RNF6: variants seen among roughly 807,000 people sequenced by gnomAD.
The protein encoded by RNF6 is E3 ubiquitin-protein ligase RNF6.
A neutral mutation model predicts 50.1 loss-of-function variants in RNF6; 21 were observed. The observed-to-expected ratio is 0.42, with a 90% CI of 0.30 to 0.60. RNF6 has a LOEUF of 0.60. Ranked by LOEUF, RNF6 falls within the 20% of genes least tolerant of loss-of-function variation. RNF6 has a pLI of 0.20. For synonymous variants in RNF6, 255 were observed against 291.8 expected (o/e 0.87, Z 1.29); for missense variants, 698 against 838.2 (o/e 0.83, Z 2.07).
In RNF6 at chr13:26,142,008, A is replaced by C. The variant is rs2137557776; in HGVS notation, n.769-9557T>G. Among the ~76,000 whole-genome samples the C allele has an allele frequency of 2.0e-5, 3 of 152,282 alleles. No individual in the cohort carries two copies. In the East Asian group the frequency reaches 5.8e-4, roughly 29 times the overall value. Reference sequence around the variant, plus strand: ...AAAGGACCAATATCCAGAATCTATAAGGAACTTAAATAAATCAACAAGAAA... The same window carrying C: ...AAAGGACCAATATCCAGAATCTATACGGAACTTAAATAAATCAACAAGAAA... On this transcript the variant is annotated intron_variant and non_coding_transcript_variant, in intron 5 of 5. Transcript: ENST00000468480.
intron 5 of RNF6, among the ~76,000 whole-genome samples, chr13:26,186,504 CG>C (rs1255525785): frequency 6.6e-6 from 1 of 152,212 alleles, no homozygotes; most frequent in Non-Finnish European, 1.5e-5. Context: ...GGAGACGCTT[CG>C]GAGCAGGTCT....
chr13:26,222,882 G>A (rs1870651752), upstream of RNF6, among the ~76,000 whole-genome samples: 1 of 152,108 alleles, frequency 6.6e-6, no homozygotes, highest in African/African-American at 2.4e-5. Context: ...CAGCAAAATG[G>A]GATTACAGGC....
intron 5 of RNF6, among the ~76,000 whole-genome samples, chr13:26,190,652 C>G (rs1212751588): frequency 1.3e-5 from 2 of 152,178 alleles, no homozygotes; most frequent in Non-Finnish European, 2.9e-5. Context: ...ATAACACACC[C>G]AACACATGAA....
chr13:26,211,876 T>C (rs1869341653), downstream of RNF6, among the ~76,000 whole-genome samples: 1 of 152,230 alleles, frequency 6.6e-6, no homozygotes, highest in Non-Finnish European at 1.5e-5. Context: ...ATGTTTAAAT[T>C]GGCATACCTT....
intron 5 of RNF6, among the ~76,000 whole-genome samples, chr13:26,203,110 T>G (rs1474376931): frequency 6.6e-6 from 1 of 152,240 alleles, no homozygotes; most frequent in Admixed American, 6.5e-5. Context: ...GGCCATGAGC[T>G]GACATCTGTC....
At position 26,214,530 on chromosome 13, in the gene RNF6, G is replaced by A; in HGVS notation, c.1352C>T (p.Ser451Leu). Residue 451 changes from serine (S) to leucine (L), a missense_variant, in exon 5 of 5, where the codon TCA (serine) becomes TTA (leucine). Transcript: ENST00000381588. ...FRRTISRLER[S>L]GIRTYVSTIT... is the part of the protein sequence containing the mutation. ...GGTACTAACATAGGTTCGAATACCTGACCGCTCTAAACGAGAAATGGTTCG... is the reference window on the plus strand; with the variant it reads ...GGTACTAACATAGGTTCGAATACCTAACCGCTCTAAACGAGAAATGGTTCG... The A allele has an allele frequency of 6.2e-7, 1 of 1,614,100 alleles. No individual in the cohort carries two copies. Among genetic ancestry groups the A allele is most frequent in the Non-Finnish European group, 8.5e-7 (1 of 1,180,040 alleles).
intron 2 of RNF6, among the ~76,000 whole-genome samples, chr13:26,220,971 TTTA>T (rs1870425372): frequency 6.6e-6 from 1 of 152,238 alleles, no homozygotes; most frequent in Non-Finnish European, 1.5e-5. Context: ...CTGTGGTTAT[TTTA>T]TTATGTCATT....
intron 5 of RNF6, among the ~76,000 whole-genome samples, chr13:26,142,742 G>T (rs901781295): frequency 3.3e-5 from 5 of 152,132 alleles, no homozygotes; most frequent in Non-Finnish European, 5.9e-5. Flanking sequence ...ATGGATGGGG[G>T]AAAGTGCTAA....
chr13:26,182,745 C>A (rs115810165), intron 5 of RNF6, among the ~76,000 whole-genome samples: 3,825 of 152,108 alleles, frequency 0.025, 158 homozygotes, highest in African/African-American at 0.086. Flanking sequence ...ATCAAGGCCA[C>A]AATGAGCCAT....
intron 5 of RNF6, among the ~76,000 whole-genome samples, chr13:26,200,196 C>CCTGA (rs1566431050): frequency 6.6e-6 from 1 of 152,148 alleles, no homozygotes; most frequent in African/African-American, 2.4e-5. Context: ...CAAGGCAATA[C>CCTGA]CTGACATCAT....
At chr13:26,203,534 G>A (rs1242611686) in intron 5 of RNF6, among the ~76,000 whole-genome samples, 2 of 152,250 alleles carry the variant, frequency 1.3e-5, no homozygotes, top group Admixed American at 1.3e-4. Flanking sequence ...ACCTTTGGGT[G>A]TGACACAGTG....
At chr13:26,181,732 G>A (rs1394368159) in intron 5 of RNF6, among the ~76,000 whole-genome samples, 1 of 152,196 alleles carries the variant, frequency 6.6e-6, no homozygotes, top group African/African-American at 2.4e-5. Context: ...CAGATAAAAT[G>A]CTCCAATGCT....
At chr13:26,174,481 T>A (rs1872854750) in intron 5 of RNF6, among the ~76,000 whole-genome samples, 4 of 124,396 alleles carry the variant, frequency 3.2e-5, no homozygotes, top group Non-Finnish European at 7.4e-5. Context: ...TGCAACCCCA[T>A]CTCTACTAAA....
intron 1 of RNF6, 62 bp downstream of exon 1, chr13:26,221,941 C>G (rs372063486): frequency 1.3e-5 from 2 of 152,464 alleles, no homozygotes; most frequent in Non-Finnish European, 2.9e-5. Context: ...CGAAGGATGG[C>G]CTGCTTTCCC....
chr13:26,143,349 C>T (rs558630462), intron 5 of RNF6, among the ~76,000 whole-genome samples: 37 of 152,292 alleles, frequency 2.4e-4, no homozygotes, highest in African/African-American at 8.7e-4. Context: ...TCACCCCATC[C>T]AGCAAAGTAA....
chr13:26,146,828 G>A (rs1459447971), intron 5 of RNF6, among the ~76,000 whole-genome samples: 4 of 152,152 alleles, frequency 2.6e-5, no homozygotes, highest in African/African-American at 9.7e-5. Flanking sequence ...ATGTCGAATT[G>A]TAATTCCCAG....
chr13:26,198,406 T>A (rs1868762214), intron 5 of RNF6, among the ~76,000 whole-genome samples: 1 of 151,928 alleles, frequency 6.6e-6, no homozygotes. Flanking sequence ...ATCCACTGAT[T>A]GAAATGCTAA....
Position 26,214,094 on chromosome 13 carries a change from T to C in RNF6, c.1788A>G (p.Glu596=). 1 of 1,614,210 alleles carries C rather than the reference T, an allele frequency of 6.2e-7. No individual in the cohort carries two copies. The highest frequency in any genetic ancestry group is 1.3e-5 in the African/African-American group (1 of 75,058). The change falls in exon 5 of 5, where the codon GAA becomes GAG. Residue 596 remains glutamate (E), a synonymous_variant. Transcript: ENST00000381588. The part of the protein sequence containing the change: ...LRLAHFFLLN[E]SDDDDRIRGL... ...CACGTATTCGATCATCATCATCACT[T>C]TCATTTAGTAAAAAAAAGTGAGCAA...
Position 26,214,459 on chromosome 13 carries a change from G to A in RNF6, c.1423C>T (p.Pro475Ser). Residue 475 changes from proline to serine, a missense_variant, in exon 5 of 5, where the codon CCA (proline) becomes TCA (serine). Pro to Ser is a moderately conservative substitution (Grantham distance 74, BLOSUM62 -1). Transcript: ENST00000381588. ...RRISENELVE[P>S]SSVALRSILR... Reference sequence around the variant, plus strand: ...ATTGACCGAAGAGCCACTGATGATGGCTCAACAAGCTCATTCTCAGAAATC... The same window carrying A: ...ATTGACCGAAGAGCCACTGATGATGACTCAACAAGCTCATTCTCAGAAATC... 6.2e-7 allele frequency: 1 copy of A among 1,614,108 alleles called. No homozygotes were observed. Among genetic ancestry groups the A allele is most frequent in the Non-Finnish European group, 8.5e-7 (1 of 1,180,024 alleles).
Sources: allele counts gnomAD v4.1 joint callset (sites outside exome capture counted in the v4.1 genomes callset), GRCh38; gene constraint gnomAD v4.1.1; transcripts MANE v1.5; gene names NCBI Gene and HGNC (gene_info 2026-07-23, HGNC 2026-07-21).